Variants in SPATS2 observed in about 807,000 individuals in gnomAD.
SPATS2 encodes the protein spermatogenesis associated serine rich 2.
Under a neutral mutation model 63.7 loss-of-function variants are expected in SPATS2, and 38 were observed. The observed-to-expected ratio is 0.60, with a 90% confidence interval of 0.46 to 0.78. The LOEUF (loss-of-function observed/expected upper bound fraction) is 0.78. Ranked by LOEUF, SPATS2 falls within the 30% of genes least tolerant of loss-of-function variation. The pLI, the probability that SPATS2 is intolerant of heterozygous loss-of-function variation, is 0.00. For missense variants in SPATS2, 588 were observed against 666.2 expected, an observed-to-expected ratio of 0.88 and a Z score of 1.29; for synonymous variants, 207 against 232.9, an observed-to-expected ratio of 0.89 and a Z score of 1.01.
chr12:49,480,217 C>T (rs1291576554), intron 3 of SPATS2, among the ~76,000 whole-genome samples: 1 of 152,178 alleles, frequency 6.6e-6, no homozygotes, highest in Non-Finnish European at 1.5e-5. Flanking sequence ...GGTGAGCAGC[C>T]TAGAATTTGG....
intron 3 of SPATS2, among the ~76,000 whole-genome samples, chr12:49,478,223 C>T (rs1946151489): frequency 6.6e-6 from 1 of 152,124 alleles, no homozygotes. Flanking sequence ...AGGCGATACT[C>T]CTATCTTGGC....
intron 2 of SPATS2, among the ~76,000 whole-genome samples, chr12:49,372,226 G>C (rs1944010577): frequency 6.6e-6 from 1 of 152,038 alleles, no homozygotes; most frequent in Non-Finnish European, 1.5e-5. Flanking sequence ...TGTCTTTTTA[G>C]TAGAGATGAA....
At chr12:49,509,553 A>T (rs1340608902) in intron 9 of SPATS2, among the ~76,000 whole-genome samples, 2 of 152,024 alleles carry the variant, frequency 1.3e-5, no homozygotes, top group East Asian at 3.9e-4. Context: ...TATAGGCGTG[A>T]GCCACTGCAC....
chr12:49,435,341 T>A (rs1028199361), intron 2 of SPATS2, among the ~76,000 whole-genome samples: 20 of 150,334 alleles, frequency 1.3e-4, no homozygotes, highest in Non-Finnish European at 2.5e-4. Flanking sequence ...TTTTTTTTTT[T>A]AAAGATAAGG....
At chr12:49,376,025 A>G (rs1038407480) in intron 2 of SPATS2, among the ~76,000 whole-genome samples, 2 of 150,884 alleles carry the variant, frequency 1.3e-5, no homozygotes, top group Admixed American at 1.3e-4. Context: ...CCTGGCCTCA[A>G]ATGATCCTTC....
chr12:49,510,641 G>A lies in SPATS2; in HGVS notation c.840-3914G>A, dbSNP rs189944662. Among the ~76,000 whole-genome samples the A allele has an allele frequency of 4.7e-4, 72 of 151,806 alleles. No individual in the cohort carries two copies. In the South Asian group the frequency reaches 0.012, roughly 26 times the overall value. ...ATGTTTTCTGACAGTATTATTGAAT[G>A]GTTTTGACTATTATCCCTTGAAATA... On this transcript the variant is annotated intron_variant, in intron 9 of 13. Coordinates refer to ENST00000552918, the MANE Select transcript of SPATS2 (RefSeq NM_023071.4).
chr12:49,490,765 TG>T, intron 6 of SPATS2, 34 bp downstream of exon 6: 2 of 1,593,270 alleles, frequency 1.3e-6, no homozygotes, highest in Non-Finnish European at 1.7e-6. Context: ...CATGATGATG[TG>T]TATATTATTT....
rs537928009 is a variant in SPATS2, at chr12:49,431,396, G to A, written c.-243-29374G>A. On this transcript the variant is annotated intron_variant, in intron 2 of 13. Coordinates refer to ENST00000552918, the MANE Select transcript of SPATS2 (RefSeq NM_023071.4). Reference sequence around the variant, plus strand: ...CCTGAGTAGCTGGGACTACAGGCACGCGCCACCACGCCCAGCTAATCTTTT... The same window carrying A: ...CCTGAGTAGCTGGGACTACAGGCACACGCCACCACGCCCAGCTAATCTTTT... Among the ~76,000 whole-genome samples, 550 of 152,176 alleles carry A rather than the reference G, an allele frequency of 3.6e-3. 3 individuals are homozygous for A. The highest frequency in any genetic ancestry group is 5.6e-3 in the Non-Finnish European group (381 of 68,010).
At chr12:49,445,741 A>G (rs1442493639) in intron 2 of SPATS2, among the ~76,000 whole-genome samples, 1 of 152,042 alleles carries the variant, frequency 6.6e-6, no homozygotes, top group Non-Finnish European at 1.5e-5. Context: ...AGGCTGGTCA[A>G]GACTCCTGAG....
intron 2 of SPATS2, among the ~76,000 whole-genome samples, chr12:49,459,343 A>C (rs897140246): frequency 6.6e-6 from 1 of 151,622 alleles, no homozygotes; most frequent in Admixed American, 6.6e-5. Flanking sequence ...ATTATTATTT[A>C]TTTTATTATT....
intron 2 of SPATS2, among the ~76,000 whole-genome samples, chr12:49,450,519 C>T (rs1945601557): frequency 6.6e-6 from 1 of 152,040 alleles, no homozygotes; most frequent in Non-Finnish European, 1.5e-5. Flanking sequence ...GCTGGGATTA[C>T]AGGCGTGAGC....
At chr12:49,467,086 T>G (rs1187673129) in intron 3 of SPATS2, among the ~76,000 whole-genome samples, 1 of 145,364 alleles carries the variant, frequency 6.9e-6, no homozygotes, top group Non-Finnish European at 1.5e-5. Context: ...AGTCTCACTG[T>G]CATCCAGGCT....
At chr12:49,504,153 T>TA (rs34381549) in intron 9 of SPATS2, among the ~76,000 whole-genome samples, 5 of 151,792 alleles carry the variant, frequency 3.3e-5, no homozygotes, top group East Asian at 1.9e-4. Flanking sequence ...GGTTATAGCA[T>TA]AAAAAAAAGG....
At chr12:49,519,220 C>G in intron 11 of SPATS2, 38 bp downstream of exon 11, 1 of 1,530,266 alleles carries the variant, frequency 6.5e-7, no homozygotes, top group Non-Finnish European at 9.0e-7. Context: ...TCTTCTTATC[C>G]TCAGGGGCTA....
At chr12:49,481,355 C>T (rs567780596) in intron 3 of SPATS2, among the ~76,000 whole-genome samples, 1 of 151,614 alleles carries the variant, frequency 6.6e-6, no homozygotes, top group Admixed American at 6.6e-5. Context: ...AGCGAGACTC[C>T]GTCTCCAGAA....
At chr12:49,396,867 T>G (rs1489072029) in intron 2 of SPATS2, among the ~76,000 whole-genome samples, 1 of 152,220 alleles carries the variant, frequency 6.6e-6, no homozygotes, top group African/African-American at 2.4e-5. Context: ...ATGTGTATCA[T>G]TTGTCTTCAG....
intron 2 of SPATS2, among the ~76,000 whole-genome samples, chr12:49,405,480 C>G (rs2137322532): frequency 6.6e-6 from 1 of 152,272 alleles, no homozygotes; most frequent in African/African-American, 2.4e-5. Flanking sequence ...GGTGGATCAC[C>G]TGAGGTCAGG....
chr12:49,517,309 G>GA (rs1279707117), intron 10 of SPATS2, among the ~76,000 whole-genome samples: 16 of 152,152 alleles, frequency 1.1e-4, no homozygotes, highest in African/African-American at 3.4e-4. Flanking sequence ...GTGTGACTTG[G>GA]GTCTAGGCAG....
At chr12:49,481,047 C>A (rs1257732929) in intron 3 of SPATS2, among the ~76,000 whole-genome samples, 1 of 152,086 alleles carries the variant, frequency 6.6e-6, no homozygotes, top group African/African-American at 2.4e-5. Context: ...ATTTTTGAAG[C>A]CAGCAAAAAC....
Sources: gnomAD v4.1 joint callset for allele counts (sites outside exome capture counted in the v4.1 genomes callset) on GRCh38, gnomAD v4.1.1 for gene constraint, MANE v1.5 for transcripts, NCBI Gene and HGNC (gene_info 2026-07-23, HGNC 2026-07-21) for gene names.